Variants in CHTF18 observed in about 807,000 individuals in gnomAD.
The protein encoded by CHTF18 is chromosome transmission fidelity protein 18 homolog.
A neutral mutation model predicts 113.4 loss-of-function variants in CHTF18; 151 were observed. That is an observed-to-expected ratio of 1.33 (90% CI 1.17 to 1.52). CHTF18 has a LOEUF of 1.52. Ranked by LOEUF, CHTF18 falls within the 40% of genes most tolerant of loss-of-function variation. The pLI, the probability that CHTF18 is intolerant of heterozygous loss-of-function variation, is 0.00. For missense variants in CHTF18, 1,982 were observed against 1,381.6 expected, an observed-to-expected ratio of 1.43 and a Z score of -6.89; for synonymous variants, 916 against 598.8, an observed-to-expected ratio of 1.53 and a Z score of -7.74.
At position 792,601 on chromosome 16, in the gene CHTF18, G is replaced by A. The variant is rs550464419; in HGVS notation, c.1478+11G>A. ...CATTTGCAATGACCAGTGAGTGCAT[G>A]GGCGGGCGCCACAGTCAGGAGAGGC... is the stretch of plus-strand genomic sequence containing the variant. On this transcript the variant is annotated intron_variant, in intron 11 of 21. Transcript: ENST00000262315. 8 of 1,594,206 alleles carry A rather than the reference G, an allele frequency of 5.0e-6. No homozygotes were observed. In the East Asian group the frequency reaches 1.3e-4, roughly 27 times the overall value.
At chr16:793,667 G>C (rs980789305) in intron 14 of CHTF18, 17 of 557,478 alleles carry the variant, frequency 3.0e-5, no homozygotes, top group South Asian at 2.7e-4. Flanking sequence ...GGAGCAGCCA[G>C]CATGTCTCTG....
rs765103061 is a variant in CHTF18, at chr16:793,104, C to T, written c.1671+40C>T. 7.8e-6 allele frequency: 12 copies of T among 1,547,282 alleles called. No homozygotes were observed. The South Asian group carries it at 1.5e-4, about 19-fold the overall frequency. On this transcript the variant is annotated intron_variant, in intron 13 of 21. Transcript: ENST00000262315. ...GGCACCGGGTGGGGTGGGGTGGGGT[C>T]AGGAGTTGGCCGCTTCTCATGCCCC...
rs758123915 is a variant in CHTF18 at position 791,379 on chromosome 16, C to G, written c.1104+9C>G. On this transcript the variant is annotated intron_variant, in intron 8 of 21. Transcript: ENST00000262315. ...AGCGACCGAAGCAGAAGGTGAGCCC[C>G]GCTGGCTGTGCCGCCGGGAACAAGC... 1 of 1,591,288 alleles carries G rather than the reference C, an allele frequency of 6.3e-7. No homozygotes were observed. The highest frequency in any genetic ancestry group is 1.1e-5 in the South Asian group (1 of 89,246).
chr16:789,840 G>A lies in CHTF18; in HGVS notation c.606+125G>A, dbSNP rs1486209434. ...TGTGCAGAGCCCCAGGGGTGCAGAG[G>A]GGGAGGCTGCGTCATGGGGCGTAGA... On this transcript the variant is annotated intron_variant, in intron 4 of 21. Coordinates refer to ENST00000262315, the MANE Select transcript of CHTF18 (RefSeq NM_022092.3). 7.5e-6 allele frequency: 10 copies of A among 1,335,540 alleles called. No individual in the cohort carries two copies. In the South Asian group the frequency reaches 1.1e-4, roughly 15 times the overall value. 82.7% of individuals were successfully genotyped at this position (1,335,540 alleles called of 1,614,324 possible). A position where few individuals can be genotyped will look rare whatever the true frequency, so the allele number is the denominator to read the frequency against.
At position 794,518 on chromosome 16, in the gene CHTF18, C is replaced by T. The variant is rs142943703; in HGVS notation, c.1950+317C>T. Among the ~76,000 whole-genome samples the T allele has an allele frequency of 9.5e-3, 1,449 of 152,180 alleles. 18 individuals are homozygous for T. The highest frequency in any genetic ancestry group is 0.033 in the African/African-American group (1,374 of 41,534). On this transcript the variant is annotated intron_variant, in intron 15 of 21. Transcript: ENST00000262315. ...TGCCGGACAGCCTGGCCTGGGGCTG[C>T]GAGGGGCTGGATTCTGGACTTAAGA... is the stretch of plus-strand genomic sequence containing the variant.
At position 795,260 on chromosome 16, in the gene CHTF18, G is replaced by A; in HGVS notation, c.2079G>A (p.Gln693=). The change falls in exon 16 of 22, where the codon CAG becomes CAA. Residue 693 remains glutamine (Q), a synonymous_variant. Transcript: ENST00000262315. ...CTGCTCATCACAGCCAGAGCTTCCA[G>A]CTGCTGCGCTACCCACCCTTCCTGC... ...AGAAHHSQSF[Q]LLRYPPFLPV... The A allele has an allele frequency of 6.5e-7, 1 of 1,549,294 alleles. No homozygotes were observed. The highest frequency in any genetic ancestry group is 1.2e-5 in the South Asian group (1 of 84,056).
Position 788,662 on chromosome 16 carries a change from G to C in CHTF18, c.-23G>C. 2 of 1,507,972 alleles carry C rather than the reference G, an allele frequency of 1.3e-6. No homozygotes were observed. Among genetic ancestry groups the C allele is most frequent in the Non-Finnish European group, 1.8e-6 (2 of 1,129,052 alleles). The allele number at this position is 1,507,972 out of a possible 1,614,324, so 93.4% of individuals were successfully genotyped here. On this transcript the variant is annotated 5_prime_UTR_variant, in exon 1 of 22. Coordinates refer to ENST00000262315, the MANE Select transcript of CHTF18 (RefSeq NM_022092.3). The stretch of plus-strand genomic sequence containing the variant: ...GGCGGCGGCGCGGGAGGTTCGGAGC[G>C]GGAGCTCGGGCTCGCGGACGGTATG...
At position 789,572 on chromosome 16, in the gene CHTF18, G is replaced by A. The variant is rs966193781; in HGVS notation, c.463G>A (p.Gly155Ser). The change falls in exon 4 of 22, where the codon GGT becomes AGT. Residue 155 changes from glycine to serine, a missense_variant. Transcript: ENST00000262315. ...AGTCTCAGAAGCTGCTGCCGACGTG[G>A]GTCTCACACGGGCCTCACCAGCTGC... ...HGVSEAAADV[G>S]LTRASPAARN... 1 of 1,600,520 alleles carries A rather than the reference G, an allele frequency of 6.2e-7. No homozygotes were observed. Among genetic ancestry groups the A allele is most frequent in the Non-Finnish European group, 8.5e-7 (1 of 1,175,108 alleles).
chr16:789,338 C>A lies in CHTF18; in HGVS notation c.415C>A (p.Leu139Ile). The change falls in exon 3 of 22, where the codon CTC (leucine) becomes ATC (isoleucine). Residue 139 changes from leucine (L) to isoleucine (I), a missense_variant. Leu to Ile is a conservative substitution (Grantham distance 5, BLOSUM62 2). Transcript: ENST00000262315. ...DITPPPSPEDLAELWGHGVSE... is the reference protein window; with the variant it reads ...DITPPPSPEDIAELWGHGVSE... ...CACCCCGCCGCCGAGCCCTGAGGACCTCGCAGAGCTTTGGGGCCACGGGTG... is the reference window on the plus strand; with the variant it reads ...CACCCCGCCGCCGAGCCCTGAGGACATCGCAGAGCTTTGGGGCCACGGGTG... 6.3e-7 allele frequency: 1 copy of A among 1,599,276 alleles called. No homozygotes were observed. The highest frequency in any genetic ancestry group is 8.5e-7 in the Non-Finnish European group (1 of 1,173,404).
At position 788,946 on chromosome 16, in the gene CHTF18, C is replaced by T; in HGVS notation, c.107C>T (p.Ser36Leu). ...LAELEGASTP[S>L]PSGVPLFTAG... Reference sequence around the variant, plus strand: ...CTCCCAGCAGGGGCGTCGACTCCGTCGCCCTCCGGGGTCCCCCTGTTCACC... The same window carrying T: ...CTCCCAGCAGGGGCGTCGACTCCGTTGCCCTCCGGGGTCCCCCTGTTCACC... The change falls in exon 2 of 22, where the codon TCG (serine) becomes TTG (leucine). Residue 36 changes from serine to leucine, a missense_variant. By Grantham distance (145) the Ser-to-Leu change is moderately radical. Coordinates refer to ENST00000262315, the MANE Select transcript of CHTF18 (RefSeq NM_022092.3). 1.9e-6 allele frequency: 3 copies of T among 1,559,012 alleles called. No homozygotes were observed. Among genetic ancestry groups the T allele is most frequent in the Non-Finnish European group, 2.6e-6 (3 of 1,160,944 alleles).
In CHTF18 at chr16:788,996, G is replaced by T; in HGVS notation, c.157G>T (p.Glu53Ter). 2 of 1,561,002 alleles carry T rather than the reference G, an allele frequency of 1.3e-6. No homozygotes were observed. The highest frequency in any genetic ancestry group is 1.7e-6 in the Non-Finnish European group (2 of 1,159,114). Residue 53 changes from glutamate (E) to a stop codon, truncating the protein, a stop_gained, in exon 2 of 22, where the codon GAG becomes TAG. Transcript: ENST00000262315. LOFTEE classifies it high-confidence loss of function. ...CGCGGGCCGACCCCCGCGGACGTTC[G>T]AGGAGGCCCTTGCCAGAGGGGACGC... ...FTAGRPPRTF[E>*]EALARGDAAS...
At chr16:789,964 T>C (rs1330229077) in intron 4 of CHTF18, 1 of 1,534,372 alleles carries the variant, frequency 6.5e-7, no homozygotes, top group East Asian at 2.4e-5. Context: ...GCTTTTGCCC[T>C]TTCCTCCTTT....
Position 793,243 on chromosome 16 carries a change from C to T in CHTF18, c.1771C>T (p.Gln591Ter). 4.4e-6 allele frequency: 7 copies of T among 1,608,048 alleles called. No individual in the cohort carries two copies. Among genetic ancestry groups the T allele is most frequent in the Non-Finnish European group, 5.9e-6 (7 of 1,178,778 alleles). ...DQRRGLFSVW[Q>*]EVFQLPRAQR... The stretch of plus-strand genomic sequence containing the variant: ...GCGCAGAGGGCTCTTCTCGGTGTGG[C>T]AGGAGGTCTTCCAGCTGCCTCGAGC... The change falls in exon 14 of 22, where the codon CAG (glutamine) becomes TAG (stop). Residue 591 changes from glutamine (Q) to a stop codon, truncating the protein, a stop_gained. Transcript: ENST00000262315. LOFTEE classifies it high-confidence loss of function.
chr16:791,666 T>C, intron 8 of CHTF18, 185 bp from the exon 9 acceptor site: 2 of 1,427,242 alleles, frequency 1.4e-6, no homozygotes, highest in African/African-American at 1.4e-5. Flanking sequence ...CTTTGCTTTG[T>C]GTAGGTTTTT....
intron 1 of CHTF18, 44 bp from the exon 2 acceptor site, chr16:788,887 T>A: frequency 1.3e-6 from 2 of 1,504,384 alleles, no homozygotes; most frequent in South Asian, 1.3e-5. Context: ...GCTGGCGGGA[T>A]CTGCTGTCTC....
At chr16:792,617 CAG>C in intron 11 of CHTF18, 27 bp downstream of exon 11, 1 of 1,591,342 alleles carries the variant, frequency 6.3e-7, no homozygotes, top group African/African-American at 1.3e-5. Context: ...GCGCCACAGT[CAG>C]GAGAGGCTCT....
At chr16:792,375 G>C in intron 10 of CHTF18, 28 bp downstream of exon 10, 1 of 1,560,942 alleles carries the variant, frequency 6.4e-7, no homozygotes, top group Non-Finnish European at 8.7e-7. Context: ...TGGGTAGGTG[G>C]GTGGGCGGGC....
rs147005004 is a variant in CHTF18 at position 791,556 on chromosome 16, C to A, written c.1104+186C>A. ...GTAACAACTCGGGGGAAGTCGTTGT[C>A]CCTGAAGGGCTCTGCGGCTGGCCAG... is the stretch of plus-strand genomic sequence containing the variant. On this transcript the variant is annotated intron_variant, in intron 8 of 21. Coordinates refer to ENST00000262315, the MANE Select transcript of CHTF18 (RefSeq NM_022092.3). 318 of 1,434,624 alleles carry A rather than the reference C, an allele frequency of 2.2e-4. 3 individuals are homozygous for A. The East Asian group carries it at 7.9e-3, about 35-fold the overall frequency. The allele number at this position is 1,434,624 out of a possible 1,614,324, so 88.9% of individuals were successfully genotyped here.
At position 788,699 on chromosome 16, in the gene CHTF18, G is replaced by C; in HGVS notation, c.15G>C (p.Glu5Asp). 1.3e-6 allele frequency: 2 copies of C among 1,597,548 alleles called. No homozygotes were observed. Among genetic ancestry groups the C allele is most frequent in the Non-Finnish European group, 1.7e-6 (2 of 1,173,658 alleles). MEDY[E>D]QELCGVEDDF... ...TCGCGGACGGTATGGAGGACTACGA[G>C]CAGGAGCTGTGCGGCGTCGAGGATG... is the stretch of plus-strand genomic sequence containing the variant. The change falls in exon 1 of 22, where the codon GAG becomes GAC. Residue 5 changes from glutamate to aspartate, a missense_variant. Coordinates refer to ENST00000262315, the MANE Select transcript of CHTF18 (RefSeq NM_022092.3).
Sources: gnomAD v4.1 joint callset for allele counts (sites outside exome capture counted in the v4.1 genomes callset) on GRCh38, gnomAD v4.1.1 for gene constraint, MANE v1.5 for transcripts, NCBI Gene and HGNC (gene_info 2026-07-23, HGNC 2026-07-21) for gene names.